The following BARD1 variants were observed in gnomAD, a reference collection of about 807,000 sequenced individuals.
BARD1 encodes the protein BRCA1-associated RING domain protein 1.
BARD1 carries 73 observed loss-of-function variants against 77.0 expected under a neutral mutation model. The observed-to-expected ratio is 0.95, with a 90% CI of 0.79 to 1.15. The LOEUF is 1.15. Ranked by LOEUF, BARD1 falls within the 50% of genes most tolerant of loss-of-function variation. The pLI is 0.00. For synonymous variants in BARD1, 384 were observed against 338.0 expected (o/e 1.14, Z -1.49); for missense variants, 993 against 938.8 (o/e 1.06, Z -0.75).
chr2:214,764,825 C>A (rs1377416283), intron 6 of BARD1, among the ~76,000 whole-genome samples: 2 of 152,080 alleles, frequency 1.3e-5, no homozygotes, highest in African/African-American at 4.8e-5. Context: ...AGATGAACAA[C>A]AATGACTACG....
At chr2:214,794,593 A>T (rs1443653345) in intron 2 of BARD1, among the ~76,000 whole-genome samples, 2 of 150,728 alleles carry the variant, frequency 1.3e-5, no homozygotes, top group Non-Finnish European at 3.0e-5. Flanking sequence ...TAATTTTTTT[A>T]AAAAGTCTCA....
intron 3 of BARD1, among the ~76,000 whole-genome samples, chr2:214,782,607 A>G (rs531062240): frequency 7.2e-5 from 11 of 152,196 alleles, no homozygotes; most frequent in African/African-American, 2.4e-4. Flanking sequence ...AAAGAAAAAA[A>G]ATTGTCTCTA....
chr2:214,801,033 CT>C (rs1395113196), intron 1 of BARD1, among the ~76,000 whole-genome samples: 2 of 151,786 alleles, frequency 1.3e-5, no homozygotes, highest in Admixed American at 6.6e-5. Flanking sequence ...GCTTGTAAAA[CT>C]AAAAAAAAGA....
At chr2:214,790,395 AAT>A (rs768309051) in intron 3 of BARD1, among the ~76,000 whole-genome samples, 1 of 152,240 alleles carries the variant, frequency 6.6e-6, no homozygotes, top group Non-Finnish European at 1.5e-5. Context: ...CTCCCAACGC[AAT>A]ATGACTCCTG....
At chr2:214,778,461 A>T (rs936945361) in intron 4 of BARD1, among the ~76,000 whole-genome samples, 1 of 152,192 alleles carries the variant, frequency 6.6e-6, no homozygotes, top group Non-Finnish European at 1.5e-5. Context: ...AAATGGATTT[A>T]ATAATTCCGG....
intron 9 of BARD1, among the ~76,000 whole-genome samples, chr2:214,740,911 T>A (rs77429876): frequency 7.9e-5 from 12 of 152,072 alleles, no homozygotes; most frequent in Non-Finnish European, 1.0e-4. Context: ...TGTTTTTTTT[T>A]AAATAATTAG....
At chr2:214,786,244 T>A (rs755373964) in intron 3 of BARD1, among the ~76,000 whole-genome samples, 1 of 150,914 alleles carries the variant, frequency 6.6e-6, no homozygotes, top group Non-Finnish European at 1.5e-5. Context: ...AGATACAACA[T>A]TATTTTCATT....
At chr2:214,758,010 C>T (rs1444199370) in intron 6 of BARD1, among the ~76,000 whole-genome samples, 1 of 152,016 alleles carries the variant, frequency 6.6e-6, no homozygotes, top group Non-Finnish European at 1.5e-5. Flanking sequence ...GAGGTACTCT[C>T]GAACTGTAAG....
chr2:214,795,190 A>G (rs976329723), intron 2 of BARD1, among the ~76,000 whole-genome samples: 6 of 152,150 alleles, frequency 3.9e-5, no homozygotes, highest in Admixed American at 2.6e-4. Flanking sequence ...GATCCATGGG[A>G]GGCGTTTTGG....
chr2:214,741,816 C>T (rs2106011646), intron 9 of BARD1, among the ~76,000 whole-genome samples: 1 of 152,266 alleles, frequency 6.6e-6, no homozygotes, highest in African/African-American at 2.4e-5. Flanking sequence ...CTGTAAGATA[C>T]TCTGTATAAA....
At chr2:214,745,025 TA>T in intron 9 of BARD1, 41 bp downstream of exon 9, 1 of 1,536,024 alleles carries the variant, frequency 6.5e-7, no homozygotes. Flanking sequence ...AAAACAAAAC[TA>T]GTCTAATTCA....
chr2:214,807,657 G>A (rs1432261761), intron 1 of BARD1, among the ~76,000 whole-genome samples: 1 of 152,020 alleles, frequency 6.6e-6, no homozygotes, highest in African/African-American at 2.4e-5. Context: ...GCACTTTATG[G>A]GTGCTCAATA....
chr2:214,749,283 G>A (rs868232286), intron 7 of BARD1, among the ~76,000 whole-genome samples: 1 of 152,130 alleles, frequency 6.6e-6, no homozygotes, highest in Non-Finnish European at 1.5e-5. Context: ...GACTGAAAAA[G>A]AGTGAGTGAA....
chr2:214,759,130 A>G (rs1219620710), intron 6 of BARD1, among the ~76,000 whole-genome samples: 1 of 152,174 alleles, frequency 6.6e-6, no homozygotes, highest in Non-Finnish European at 1.5e-5. Context: ...ATAAAACATA[A>G]ATTATCTCTG....
chr2:214,796,383 C>CA (rs1695755244), intron 2 of BARD1, among the ~76,000 whole-genome samples: 1 of 152,128 alleles, frequency 6.6e-6, no homozygotes, highest in Admixed American at 6.5e-5. Flanking sequence ...AAGATGAGAA[C>CA]ATTAGGGTGA....
intron 2 of BARD1, among the ~76,000 whole-genome samples, chr2:214,795,729 T>C (rs558696263): frequency 6.6e-6 from 1 of 152,150 alleles, no homozygotes; most frequent in Non-Finnish European, 1.5e-5. Context: ...AACTTAGCGA[T>C]GTGGGATAAG....
intron 1 of BARD1, among the ~76,000 whole-genome samples, chr2:214,797,794 T>A (rs1695825136): frequency 6.6e-6 from 1 of 152,200 alleles, no homozygotes; most frequent in South Asian, 2.1e-4. Context: ...TAAGCAAATG[T>A]AAACAGAAAT....
intron 6 of BARD1, among the ~76,000 whole-genome samples, chr2:214,762,208 A>C (rs1365891619): frequency 6.6e-6 from 1 of 152,198 alleles, no homozygotes; most frequent in Non-Finnish European, 1.5e-5. Flanking sequence ...TATTGTATAA[A>C]ATTACCTTCA....
chr2:214,776,980 T>C (rs1694763886), intron 4 of BARD1, among the ~76,000 whole-genome samples: 1 of 152,088 alleles, frequency 6.6e-6, no homozygotes, highest in Non-Finnish European at 1.5e-5. Context: ...AACCCTCAGC[T>C]GAAAACCAGC....
Sources: allele counts gnomAD v4.1 joint callset (sites outside exome capture counted in the v4.1 genomes callset), GRCh38; gene constraint gnomAD v4.1.1; transcripts MANE v1.5; gene names NCBI Gene and HGNC (gene_info 2026-07-23, HGNC 2026-07-21).